The following SHANK2 variants were observed in gnomAD, a reference collection of about 807,000 sequenced individuals.
SHANK2 encodes SH3 and multiple ankyrin repeat domains 2.
Under a neutral mutation model 133.7 loss-of-function variants are expected in SHANK2, and 43 were observed. That is an observed-to-expected ratio of 0.32 (90% CI 0.25 to 0.41). SHANK2 has a LOEUF of 0.41. SHANK2 is among the 10% of genes least tolerant of loss of function. The pLI, the probability that SHANK2 is intolerant of heterozygous loss-of-function variation, is 1.00. For synonymous variants in SHANK2, 1,017 were observed against 952.8 expected, an observed-to-expected ratio of 1.07 and a Z score of -1.24; for missense variants, 1,994 against 2,235.8, an observed-to-expected ratio of 0.89 and a Z score of 2.18.
At chr11:71,172,097 T>C (rs1484899811) in intron 2 of SHANK2, among the ~76,000 whole-genome samples, 2 of 152,166 alleles carry the variant, frequency 1.3e-5, no homozygotes, top group Non-Finnish European at 2.9e-5. Context: ...GCCCCATCCG[T>C]GGCACACTGA....
intron 17 of SHANK2, among the ~76,000 whole-genome samples, chr11:70,522,270 G>T (rs1003515856): frequency 3.3e-5 from 5 of 152,230 alleles, no homozygotes; most frequent in Non-Finnish European, 5.9e-5. Flanking sequence ...CCTGCTGCGT[G>T]CATGGCTGAA....
intron 14 of SHANK2, among the ~76,000 whole-genome samples, chr11:70,749,452 A>G (rs782765327): frequency 6.6e-6 from 1 of 151,694 alleles, no homozygotes; most frequent in Non-Finnish European, 1.5e-5. Flanking sequence ...CATCCTCCAG[A>G]GGAATATAAC....
In SHANK2 at chr11:70,476,252, A is replaced by T. The variant is rs564451426; in HGVS notation, c.4980-2813T>A. Reference sequence around the variant, plus strand: ...CAAAAACAACAACAACAACAATAAAAAAACCCCCAAAAAACCCGAAATCAA... The same window carrying T: ...CAAAAACAACAACAACAACAATAAATAAACCCCCAAAAAACCCGAAATCAA... On this transcript the variant is annotated intron_variant, in intron 25 of 25. Coordinates refer to ENST00000601538, the MANE Select transcript of SHANK2 (RefSeq NM_012309.5). Among the ~76,000 whole-genome samples, 65 of 152,188 alleles carry T rather than the reference A, an allele frequency of 4.3e-4. 1 individual carries two copies. Among genetic ancestry groups the T allele is most frequent in the African/African-American group, 1.6e-3 (65 of 41,506 alleles).
At chr11:70,515,965 A>T (rs1277383970) in intron 17 of SHANK2, among the ~76,000 whole-genome samples, 2 of 151,960 alleles carry the variant, frequency 1.3e-5, no homozygotes, top group African/African-American at 4.8e-5. Flanking sequence ...CTCTTCCTGC[A>T]TACTGGTTTC....
intron 9 of SHANK2, among the ~76,000 whole-genome samples, chr11:71,057,826 G>C (rs1427152740): frequency 6.6e-6 from 1 of 151,508 alleles, no homozygotes; most frequent in Non-Finnish European, 1.5e-5. Flanking sequence ...TGGGATTATA[G>C]GCGTGAACCA....
rs1555099768 is a variant in SHANK2 at position 71,113,322 on chromosome 11, C to A, written c.454G>T (p.Glu152Ter). 4 of 1,551,740 alleles carry A rather than the reference C, an allele frequency of 2.6e-6. No individual in the cohort carries two copies. The highest frequency in any genetic ancestry group is 3.5e-6 in the Non-Finnish European group (4 of 1,147,000). Residue 152 changes from glutamate to a stop codon, truncating the protein, a stop_gained, in exon 5 of 26, where the codon GAG (glutamate) becomes TAG (stop). Coordinates refer to ENST00000601538, the MANE Select transcript of SHANK2 (RefSeq NM_012309.5). LOFTEE classifies it high-confidence loss of function. ...GTGTGGAGCTTGGCCAACTGTTTCT[C>A]ATCGAGACTGGCTTGTTTATACACC... The part of the protein sequence containing the change: ...KRVYKQASLD[E>*]KQLAKLHTKT...
chr11:71,152,218 T>A (rs1278881752), intron 2 of SHANK2, among the ~76,000 whole-genome samples: 29 of 152,150 alleles, frequency 1.9e-4, no homozygotes, highest in African/African-American at 6.5e-4. Context: ...GTTCAAGTCA[T>A]TCTCCTGCCT....
chr11:71,088,197 G>A (rs1486835611), intron 8 of SHANK2, among the ~76,000 whole-genome samples: 1 of 152,154 alleles, frequency 6.6e-6, no homozygotes, highest in Non-Finnish European at 1.5e-5. Context: ...TCCCCGCAGC[G>A]GCATCAACTC....
chr11:70,625,250 G>A lies in SHANK2; in HGVS notation c.2061+34578C>T, dbSNP rs993458922. Among the ~76,000 whole-genome samples, 12 of 152,234 alleles carry A rather than the reference G, an allele frequency of 7.9e-5. No homozygotes were observed. In the Middle Eastern group the frequency reaches 0.01, roughly 129 times the overall value. ...GAGATGACGTGTGACAACACGCATG[G>A]GGCATTGCCGCCAGGGATGCTCCCA... On this transcript the variant is annotated intron_variant, in intron 17 of 25. Transcript: ENST00000601538.
intron 3 of SHANK2, among the ~76,000 whole-genome samples, chr11:71,131,877 T>A (rs1377365683): frequency 6.6e-6 from 1 of 152,188 alleles, no homozygotes; most frequent in African/African-American, 2.4e-5. Flanking sequence ...GGAGGCCGCA[T>A]TAGCACCCCC....
At chr11:71,060,306 A>G (rs1295415942) in intron 9 of SHANK2, among the ~76,000 whole-genome samples, 1 of 152,244 alleles carries the variant, frequency 6.6e-6, no homozygotes, top group Non-Finnish European at 1.5e-5. Flanking sequence ...GCTGAGGTCA[A>G]CAACCCCTGT....
chr11:71,137,894 C>G (rs1324264976), intron 3 of SHANK2, among the ~76,000 whole-genome samples: 11 of 152,198 alleles, frequency 7.2e-5, no homozygotes, highest in Non-Finnish European at 1.5e-4. Flanking sequence ...ACACACACAG[C>G]AAAGCATCGA....
At chr11:70,650,703 C>T (rs1487544211) in intron 17 of SHANK2, among the ~76,000 whole-genome samples, 2 of 152,322 alleles carry the variant, frequency 1.3e-5, no homozygotes, top group African/African-American at 4.8e-5. Context: ...CAAGACCTTC[C>T]TCCTCAGTTC....
In SHANK2 at chr11:70,522,770, G is replaced by T. The variant is rs560907795; in HGVS notation, c.2062-19839C>A. 2.0e-5 allele frequency among the ~76,000 whole-genome samples: 3 copies of T among 152,346 alleles called. No individual in the cohort carries two copies. In the South Asian group the frequency reaches 6.2e-4, roughly 32 times the overall value. On this transcript the variant is annotated intron_variant, in intron 17 of 25. Transcript: ENST00000601538. ...GCAGCCATCAGAGGGGGAGAGGAAAGAAGGAAGAGAAGGGCACTGCCCCCA... is the reference window on the plus strand; with the variant it reads ...GCAGCCATCAGAGGGGGAGAGGAAATAAGGAAGAGAAGGGCACTGCCCCCA...
At chr11:71,125,990 T>C (rs542476729) in intron 3 of SHANK2, among the ~76,000 whole-genome samples, 1 of 151,910 alleles carries the variant, frequency 6.6e-6, no homozygotes, top group African/African-American at 2.4e-5. Context: ...GAGGCCAAGG[T>C]GGGCGGATCA....
At chr11:70,925,512 A>G (rs1555081419) in intron 10 of SHANK2, among the ~76,000 whole-genome samples, 2 of 152,244 alleles carry the variant, frequency 1.3e-5, no homozygotes, top group African/African-American at 2.4e-5. Context: ...TGCAAAAGTC[A>G]GATACTTAAA....
intron 2 of SHANK2, among the ~76,000 whole-genome samples, chr11:71,189,488 C>T (rs56392739): frequency 0.13 from 19,374 of 152,202 alleles, 1,621 homozygotes; most frequent in South Asian, 0.26. Context: ...CCTCAACCTC[C>T]CAGGTTCAAG....
At chr11:70,688,382 G>A (rs889209984) in intron 15 of SHANK2, among the ~76,000 whole-genome samples, 3 of 152,152 alleles carry the variant, frequency 2.0e-5, no homozygotes, top group African/African-American at 4.8e-5. Flanking sequence ...GGGGAAGTTG[G>A]CCGTGGCCAG....
At chr11:70,503,733 C>G (rs2059095263) in intron 17 of SHANK2, among the ~76,000 whole-genome samples, 2 of 152,342 alleles carry the variant, frequency 1.3e-5, no homozygotes, top group Non-Finnish European at 2.9e-5. Flanking sequence ...GGGTGCCATC[C>G]CCCTGGCCCC....
Sources: gnomAD v4.1 joint callset for allele counts (sites outside exome capture counted in the v4.1 genomes callset) on GRCh38, gnomAD v4.1.1 for gene constraint, MANE v1.5 for transcripts, NCBI Gene and HGNC (gene_info 2026-07-23, HGNC 2026-07-21) for gene names.